Variants in CASQ2 observed in about 807,000 individuals in gnomAD.
The protein encoded by CASQ2 is calsequestrin-2.
In CASQ2, 49 loss-of-function variants were observed where a neutral mutation model predicts 46.5. The observed-to-expected ratio is 1.05, with a 90% confidence interval of 0.84 to 1.34. CASQ2 has a LOEUF of 1.34. CASQ2 is among the 40% of genes most tolerant of loss of function. CASQ2 has a pLI of 0.00. For missense variants in CASQ2, 486 were observed against 481.3 expected (o/e 1.01, Z -0.09); for synonymous variants, 174 against 168.5 (o/e 1.03, Z -0.25).
In CASQ2 at chr1:115,744,885, C is replaced by A. The variant is rs1648330430; in HGVS notation, c.262G>T (p.Ala88Ser). The change falls in exon 2 of 11, where the codon GCT becomes TCT. Residue 88 changes from alanine to serine, a missense_variant. By Grantham distance (99) the Ala-to-Ser change is moderately conservative (BLOSUM62 1). Coordinates refer to ENST00000261448, the MANE Select transcript of CASQ2 (RefSeq NM_001232.4). ...ELVAQVLEHK[A>S]IGFVMVDAKK... ...GCATCCACCATCACAAAGCCTATAG[C>A]TTTATGTTCAAGGACCTGGGCCACA... The A allele has an allele frequency of 6.2e-7, 1 of 1,613,660 alleles. No homozygotes were observed. The highest frequency in any genetic ancestry group is 8.5e-7 in the Non-Finnish European group (1 of 1,179,860).
chr1:115,748,726 G>A (rs538217403), intron 1 of CASQ2, among the ~76,000 whole-genome samples: 196 of 152,178 alleles, frequency 1.3e-3, no homozygotes, highest in Non-Finnish European at 2.1e-3. Flanking sequence ...GACTTTTCTG[G>A]TTTCCAACAT....
intron 8 of CASQ2, 123 bp downstream of exon 8, chr1:115,717,717 G>T: frequency 1.3e-6 from 1 of 799,612 alleles, no homozygotes; most frequent in Non-Finnish European, 2.2e-6. Context: ...ACCACCAGGG[G>T]GTGCCCAATA....
intron 1 of CASQ2, among the ~76,000 whole-genome samples, chr1:115,761,472 G>A (rs1309741769): frequency 1.0e-4 from 2 of 19,524 alleles, no homozygotes; most frequent in African/African-American, 3.2e-4. Context: ...AGGAGAAGAA[G>A]AAGAAGAAGA....
Position 115,744,889 on chromosome 1 carries a change from A to C in CASQ2, c.258T>G (p.His86Gln). 3 of 1,613,514 alleles carry C rather than the reference A, an allele frequency of 1.9e-6. No homozygotes were observed. The highest frequency in any genetic ancestry group is 2.5e-6 in the Non-Finnish European group (3 of 1,179,578). The change falls in exon 2 of 11, where the codon CAT becomes CAG. Residue 86 changes from histidine to glutamine, a missense_variant. Transcript: ENST00000261448. ...CCACCATCACAAAGCCTATAGCTTTATGTTCAAGGACCTGGGCCACAAGCT... is the reference window on the plus strand; with the variant it reads ...CCACCATCACAAAGCCTATAGCTTTCTGTTCAAGGACCTGGGCCACAAGCT... ...VLELVAQVLE[H>Q]KAIGFVMVDA...
At chr1:115,755,409 C>T (rs1335032053) in intron 1 of CASQ2, among the ~76,000 whole-genome samples, 1 of 152,120 alleles carries the variant, frequency 6.6e-6, no homozygotes, top group Non-Finnish European at 1.5e-5. Context: ...GAGAGATCAT[C>T]CCTTTTTAAA....
In CASQ2 at chr1:115,726,111, T is replaced by C. The variant is rs1002000272; in HGVS notation, c.738-558A>G. ...ACATATTAATATTTGCTCCTCCAAG[T>C]ACTGCCTTCCTGAAGGAACTAGGAC... On this transcript the variant is annotated intron_variant, in intron 6 of 10. Coordinates refer to ENST00000261448, the MANE Select transcript of CASQ2 (RefSeq NM_001232.4). Among the ~76,000 whole-genome samples the C allele has an allele frequency of 2.6e-5, 4 of 152,348 alleles. 1 individual carries two copies. The highest frequency in any genetic ancestry group is 6.5e-5 in the Admixed American group (1 of 15,294).
chr1:115,763,067 C>G (rs1380448200), intron 1 of CASQ2, among the ~76,000 whole-genome samples: 1 of 152,122 alleles, frequency 6.6e-6, no homozygotes, highest in Non-Finnish European at 1.5e-5. Flanking sequence ...GCTCAGTTTG[C>G]TTTTGTTTTG....
chr1:115,712,761 C>A (rs1442647906), intron 8 of CASQ2, among the ~76,000 whole-genome samples: 1 of 149,820 alleles, frequency 6.7e-6, no homozygotes, highest in Non-Finnish European at 1.5e-5. Context: ...GAGGCTGAGG[C>A]AGGAGAATCG....
chr1:115,748,241 A>C (rs1648454072), intron 1 of CASQ2, among the ~76,000 whole-genome samples: 2 of 151,870 alleles, frequency 1.3e-5, no homozygotes, highest in South Asian at 4.2e-4. Context: ...CTTCATTTTT[A>C]TGTCTTCCTT....
chr1:115,746,805 A>G (rs909012374), intron 1 of CASQ2, among the ~76,000 whole-genome samples: 1 of 152,144 alleles, frequency 6.6e-6, no homozygotes, highest in Non-Finnish European at 1.5e-5. Context: ...TTGACAAATA[A>G]TAATTGTACA....
At chr1:115,726,899 T>A in intron 6 of CASQ2, 93 bp downstream of exon 6, 1 of 1,001,472 alleles carries the variant, frequency 1.0e-6, no homozygotes, top group Non-Finnish European at 1.5e-6. Flanking sequence ...AACTAGGTTG[T>A]TGCTCTTGGC....
At chr1:115,728,650 A>G (rs1233405624) in intron 5 of CASQ2, among the ~76,000 whole-genome samples, 1 of 152,218 alleles carries the variant, frequency 6.6e-6, no homozygotes, top group African/African-American at 2.4e-5. Context: ...AGTGCTTATC[A>G]CGTGCCAGGC....
chr1:115,716,594 T>A (rs1654708153), intron 8 of CASQ2, among the ~76,000 whole-genome samples: 2 of 152,082 alleles, frequency 1.3e-5, no homozygotes, highest in Admixed American at 1.3e-4. Context: ...TGTTTTAATA[T>A]CTCCCCCAGT....
intron 1 of CASQ2, among the ~76,000 whole-genome samples, chr1:115,746,288 G>A (rs1648388202): frequency 6.6e-6 from 1 of 152,064 alleles, no homozygotes; most frequent in African/African-American, 2.4e-5. Context: ...CTGCTATAAA[G>A]TTTAGTGTAT....
At position 115,758,339 on chromosome 1, in the gene CASQ2, T is replaced by C. The variant is rs75446165; in HGVS notation, c.234+9969A>G. ...CATGGTTTATGGTAAGTTCATAATA[T>C]GTGCTTCTCCCTTCTCCTCCTTCCT... On this transcript the variant is annotated intron_variant, in intron 1 of 10. Coordinates refer to ENST00000261448, the MANE Select transcript of CASQ2 (RefSeq NM_001232.4). 1.2e-3 allele frequency among the ~76,000 whole-genome samples: 187 copies of C among 152,366 alleles called. 1 individual carries two copies. Among genetic ancestry groups the C allele is most frequent in the African/African-American group, 4.4e-3 (183 of 41,586 alleles).
In CASQ2 at chr1:115,726,975, C is replaced by CCCCA; in HGVS notation, c.737+16_737+17insTGGG. The stretch of plus-strand genomic sequence containing the variant: ...CCAGACCCCAGGCCCCCAGCCCCCA[C>CCCCA]ATGCCATCTCAGGCACCTTTGGTGT... On this transcript the variant is annotated intron_variant, in intron 6 of 10. Coordinates refer to ENST00000261448, the MANE Select transcript of CASQ2 (RefSeq NM_001232.4). 1 of 1,589,552 alleles carries CCCCA rather than the reference C, an allele frequency of 6.3e-7. No individual in the cohort carries two copies. Among genetic ancestry groups the CCCCA allele is most frequent in the Non-Finnish European group, 8.6e-7 (1 of 1,161,806 alleles).
chr1:115,764,194 A>T (rs74548205), intron 1 of CASQ2, among the ~76,000 whole-genome samples: 7,230 of 152,292 alleles, frequency 0.047, 599 homozygotes, highest in African/African-American at 0.16. Flanking sequence ...AAAAGCGAAG[A>T]TTTTTAAAAC....
At position 115,744,821 on chromosome 1, in the gene CASQ2, C is replaced by A. The variant is rs1163018766; in HGVS notation, c.319+7G>T. The A allele has an allele frequency of 6.2e-7, 1 of 1,602,668 alleles. No homozygotes were observed. Among genetic ancestry groups the A allele is most frequent in the Non-Finnish European group, 8.5e-7 (1 of 1,169,774 alleles). On this transcript the variant is annotated splice_region_variant and intron_variant, in intron 2 of 10. Transcript: ENST00000261448. Reference sequence around the variant, plus strand: ...CCCACATACAGTATCTCAAAAATCACACTTACCCAGTTTCTTGGCAAGCTT... The same window carrying A: ...CCCACATACAGTATCTCAAAAATCAAACTTACCCAGTTTCTTGGCAAGCTT...
At chr1:115,714,224 T>G (rs12036369) in intron 8 of CASQ2, among the ~76,000 whole-genome samples, 33,159 of 152,070 alleles carry the variant, frequency 0.22, 3,772 homozygotes, top group East Asian at 0.38. Context: ...ATGGGGTTCT[T>G]GTGTACATAT....
Sources: gnomAD v4.1 joint callset for allele counts (sites outside exome capture counted in the v4.1 genomes callset) on GRCh38, gnomAD v4.1.1 for gene constraint, MANE v1.5 for transcripts, NCBI Gene and HGNC (gene_info 2026-07-23, HGNC 2026-07-21) for gene names.